The following PCMTD1 variants were observed in gnomAD, a reference collection of about 807,000 sequenced individuals.
The protein encoded by PCMTD1 is protein-L-isoaspartate (D-aspartate) O-methyltransferase domain containing 1, also known as protein-L-isoaspartate O-methyltransferase domain-containing protein 1.
In PCMTD1, 12 loss-of-function variants were observed where a neutral mutation model predicts 37.6. The ratio of observed to expected loss-of-function variants is 0.32; its 90% CI spans 0.20 to 0.52. The LOEUF (loss-of-function observed/expected upper bound fraction) is 0.52. PCMTD1 is among the 20% of genes least tolerant of loss of function. The probability of loss-of-function intolerance (pLI) is 0.97; values close to 1 mark genes in which losing one functional copy is unlikely to be tolerated. For synonymous variants in PCMTD1, 117 were observed against 135.8 expected (o/e 0.86, Z 0.96); for missense variants, 235 against 421.3 (o/e 0.56, Z 3.87).
At chr8:51,855,227 GAAAAA>G (rs61373320) in intron 2 of PCMTD1, among the ~76,000 whole-genome samples, 2 of 128,970 alleles carry the variant, frequency 1.6e-5, no homozygotes, top group African/African-American at 6.0e-5. Context: ...TTCCTAAAAA[GAAAAA>G]AAAAAAAAAA....
chr8:51,847,711 C>A (rs1342389643), intron 2 of PCMTD1, among the ~76,000 whole-genome samples: 2 of 152,110 alleles, frequency 1.3e-5, no homozygotes, highest in Non-Finnish European at 2.9e-5. Flanking sequence ...TGACATAAAC[C>A]TAATTTCCCT....
intron 3 of PCMTD1, among the ~76,000 whole-genome samples, chr8:51,838,525 T>C (rs899067923): frequency 7.9e-5 from 12 of 152,020 alleles, no homozygotes; most frequent in Middle Eastern, 3.2e-3. Flanking sequence ...TGTTTACTGA[T>C]ATTTATATAT....
chr8:51,898,308 G>C (rs1221496757), intron 1 of PCMTD1, among the ~76,000 whole-genome samples: 1 of 152,062 alleles, frequency 6.6e-6, no homozygotes, highest in African/African-American at 2.4e-5. Flanking sequence ...CCCCATGCCG[G>C]TGTCTGAAAT....
At chr8:51,850,966 G>A (rs1174526856) in intron 2 of PCMTD1, among the ~76,000 whole-genome samples, 1 of 152,056 alleles carries the variant, frequency 6.6e-6, no homozygotes, top group Non-Finnish European at 1.5e-5. Context: ...CAGACCAAAG[G>A]TGAATAAAGG....
chr8:51,863,607 C>T (rs886739073), intron 1 of PCMTD1, among the ~76,000 whole-genome samples: 9 of 152,194 alleles, frequency 5.9e-5, no homozygotes, highest in Non-Finnish European at 1.2e-4. Flanking sequence ...GCCAGCATGG[C>T]GAAATCCTGT....
At chr8:51,846,733 T>C (rs904896441) in intron 2 of PCMTD1, among the ~76,000 whole-genome samples, 2 of 151,230 alleles carry the variant, frequency 1.3e-5, no homozygotes, top group African/African-American at 4.8e-5. Flanking sequence ...TTAGGTACTT[T>C]TAACCAAAAA....
At chr8:51,870,468 C>G (rs900495434) in intron 1 of PCMTD1, 1 of 152,174 alleles carries the variant, frequency 6.6e-6, no homozygotes, top group Non-Finnish European at 1.5e-5. Context: ...TCACTACTCA[C>G]TTGCCAAAAG....
At chr8:51,894,564 G>A (rs1381835919) in intron 1 of PCMTD1, among the ~76,000 whole-genome samples, 1 of 152,182 alleles carries the variant, frequency 6.6e-6, no homozygotes, top group East Asian at 1.9e-4. Flanking sequence ...GACCACATGA[G>A]AACAAAGGAT....
chr8:51,853,736 CG>C (rs906388963), intron 2 of PCMTD1, among the ~76,000 whole-genome samples: 1 of 152,164 alleles, frequency 6.6e-6, no homozygotes, highest in African/African-American at 2.4e-5. Flanking sequence ...AGCCACCCCA[CG>C]AACTGTTGCC....
At chr8:51,891,695 T>C (rs941339237) in intron 1 of PCMTD1, among the ~76,000 whole-genome samples, 3 of 85,236 alleles carry the variant, frequency 3.5e-5, no homozygotes. Flanking sequence ...TACATATATA[T>C]GTATATATAT....
chr8:51,838,691 AC>A (rs1585798855), intron 3 of PCMTD1, among the ~76,000 whole-genome samples: 1 of 152,160 alleles, frequency 6.6e-6, no homozygotes. Context: ...TCTTCTGAAA[AC>A]TGTATGTTAC....
chr8:51,866,391 T>C (rs1393187248), intron 1 of PCMTD1, among the ~76,000 whole-genome samples: 1 of 152,042 alleles, frequency 6.6e-6, no homozygotes, highest in East Asian at 1.9e-4. Flanking sequence ...TACAAAGCTA[T>C]AGTAATCAAA....
chr8:51,836,407 ATAAC>A (rs1447935517), intron 3 of PCMTD1, among the ~76,000 whole-genome samples: 1 of 152,206 alleles, frequency 6.6e-6, no homozygotes, highest in African/African-American at 2.4e-5. Flanking sequence ...AAAATACTAA[ATAAC>A]TATCCTTTTA....
At chr8:51,898,699 C>T (rs780562602) in intron 1 of PCMTD1, among the ~76,000 whole-genome samples, 7 of 152,196 alleles carry the variant, frequency 4.6e-5, no homozygotes, top group East Asian at 3.9e-4. Flanking sequence ...CTTTCGACTC[C>T]CCGACCTCCC....
At chr8:51,898,768 T>C (rs1477709096) in intron 1 of PCMTD1, among the ~76,000 whole-genome samples, 162 bp downstream of exon 1, 1 of 133,532 alleles carries the variant, frequency 7.5e-6, no homozygotes, top group Non-Finnish European at 1.6e-5. Flanking sequence ...CTCAGTTTCC[T>C]GGCCCCCGAC....
At chr8:51,870,439 T>G (rs2038622878) in intron 1 of PCMTD1, 1 of 152,076 alleles carries the variant, frequency 6.6e-6, no homozygotes, top group South Asian at 2.1e-4. Context: ...TTAAAGAAAA[T>G]AAATGGCTAA....
At chr8:51,892,906 G>T (rs2038954916) in intron 1 of PCMTD1, among the ~76,000 whole-genome samples, 1 of 152,138 alleles carries the variant, frequency 6.6e-6, no homozygotes, top group Non-Finnish European at 1.5e-5. Flanking sequence ...CCCATCCCAG[G>T]GGGGAAAATG....
chr8:51,887,958 T>G (rs1424677547), intron 1 of PCMTD1, among the ~76,000 whole-genome samples: 1 of 152,096 alleles, frequency 6.6e-6, no homozygotes, highest in African/African-American at 2.4e-5. Flanking sequence ...TTGGCCAGGA[T>G]GGTCTCAATC....
Position 51,818,069 on chromosome 8 carries a change from A to C in PCMTD1, c.*2282T>G, listed in dbSNP as rs2037785129. On this transcript the variant is annotated 3_prime_UTR_variant, in exon 6 of 6. Transcript: ENST00000522514. ...CCACCTATAAAGCGTAATTTTCCATATCAAGTAAACATAAATTCATTAAAA... is the reference window on the plus strand; with the variant it reads ...CCACCTATAAAGCGTAATTTTCCATCTCAAGTAAACATAAATTCATTAAAA... 2 of 395,898 alleles carry C rather than the reference A, an allele frequency of 5.1e-6. No homozygotes were observed. Among genetic ancestry groups the C allele is most frequent in the South Asian group, 3.9e-5 (2 of 51,880 alleles). 24.5% of individuals were successfully genotyped at this position (395,898 alleles called of 1,614,324 possible).
Sources: allele counts gnomAD v4.1 joint callset (sites outside exome capture counted in the v4.1 genomes callset), GRCh38; gene constraint gnomAD v4.1.1; transcripts MANE v1.5; gene names NCBI Gene and HGNC (gene_info 2026-07-23, HGNC 2026-07-21).